The following MTA3 variants were observed in gnomAD, a reference collection of about 807,000 sequenced individuals.
The protein encoded by MTA3 is metastasis associated 1 family member 3.
In MTA3, 34 loss-of-function variants were observed where a neutral mutation model predicts 83.5. That is an observed-to-expected ratio of 0.41 (90% CI 0.31 to 0.54). MTA3 has a LOEUF of 0.54. Among genes scored for constraint, MTA3 ranks in the 20% least tolerant of loss-of-function variants. The pLI is 0.33. For synonymous variants in MTA3, 303 were observed against 252.7 expected, an observed-to-expected ratio of 1.20 and a Z score of -1.89; for missense variants, 761 against 726.4, an observed-to-expected ratio of 1.05 and a Z score of -0.55.
intron 10 of MTA3, among the ~76,000 whole-genome samples, chr2:42,696,088 A>G (rs1322743076): frequency 1.3e-5 from 2 of 152,216 alleles, no homozygotes; most frequent in African/African-American, 2.4e-5. Context: ...TTTTCCTTGC[A>G]TTTGACTGAT....
intron 14 of MTA3, among the ~76,000 whole-genome samples, chr2:42,718,695 G>T (rs183344379): frequency 3.3e-4 from 50 of 152,152 alleles, no homozygotes; most frequent in Non-Finnish European, 6.2e-4. Flanking sequence ...CCCAGGAGGT[G>T]GAGGTTGCAG....
At position 42,570,493 on chromosome 2, in the gene MTA3, G is replaced by T; in HGVS notation, c.85G>T (p.Glu29Ter). ...SNPYLIRRIE[E>*]LNKTASGNVE... is the part of the protein sequence containing the mutation. Reference sequence around the variant, plus strand: ...CCCATACCTAATAAGAAGGATAGAAGAACTCAACAAGGTATACACTGAGTG... The same window carrying T: ...CCCATACCTAATAAGAAGGATAGAATAACTCAACAAGGTATACACTGAGTG... Residue 29 changes from glutamate to a stop codon, truncating the protein, a stop_gained, in exon 2 of 17, where the codon GAA (glutamate) becomes TAA (stop). Transcript: ENST00000405094. LOFTEE classifies it high-confidence loss of function. 1 of 1,529,484 alleles carries T rather than the reference G, an allele frequency of 6.5e-7. No homozygotes were observed. Among genetic ancestry groups the T allele is most frequent in the South Asian group, 1.2e-5 (1 of 83,234 alleles). The allele number at this position is 1,529,484 out of a possible 1,614,324, so 94.7% of individuals were successfully genotyped here.
At chr2:42,746,033 C>T (rs1018067640) in intron 16 of MTA3, among the ~76,000 whole-genome samples, 1 of 151,504 alleles carries the variant, frequency 6.6e-6, no homozygotes, top group South Asian at 2.1e-4. Flanking sequence ...AGGATGGTCT[C>T]GATCTCCTGA....
intron 6 of MTA3, among the ~76,000 whole-genome samples, chr2:42,646,900 T>C (rs1306595828): frequency 6.6e-6 from 1 of 152,114 alleles, no homozygotes; most frequent in African/African-American, 2.4e-5. Flanking sequence ...CACACGCCTG[T>C]AATCCCAGCA....
At chr2:42,748,275 A>G (rs1669601522) in intron 16 of MTA3, among the ~76,000 whole-genome samples, 1 of 150,188 alleles carries the variant, frequency 6.7e-6, no homozygotes, top group African/African-American at 2.5e-5. Flanking sequence ...CGTGTTGGCC[A>G]GGATGGTTTC....
At chr2:42,666,424 G>A (rs1014820383) in intron 8 of MTA3, among the ~76,000 whole-genome samples, 2 of 152,086 alleles carry the variant, frequency 1.3e-5, no homozygotes, top group African/African-American at 4.8e-5. Context: ...GTTTTGCCTG[G>A]CCTCTGTCTA....
chr2:42,653,688 A>G (rs1688916029), intron 6 of MTA3, among the ~76,000 whole-genome samples: 1 of 152,156 alleles, frequency 6.6e-6, no homozygotes, highest in African/African-American at 2.4e-5. Flanking sequence ...TTTACAGTGA[A>G]TTTATTTAGA....
chr2:42,589,604 G>A (rs189653203), intron 3 of MTA3, among the ~76,000 whole-genome samples: 32 of 152,172 alleles, frequency 2.1e-4, no homozygotes, highest in Admixed American at 1.9e-3. Flanking sequence ...CCAGGCTGGC[G>A]TGCAGTGGTG....
upstream of MTA3, among the ~76,000 whole-genome samples, chr2:42,565,349 C>CT (rs773703863): frequency 0.012 from 1,600 of 133,980 alleles, 12 homozygotes; most frequent in African/African-American, 0.018. Context: ...AACTGGCTAA[C>CT]TTTTTTTTTT....
At chr2:42,553,880 A>C (rs1314076583) in intron 2 of MTA3, among the ~76,000 whole-genome samples, 1 of 57,144 alleles carries the variant, frequency 1.7e-5, no homozygotes, top group Non-Finnish European at 2.9e-5. Context: ...CAAAAAAAAA[A>C]AAAAAAAGAA....
At chr2:42,623,125 A>G (rs1488557735) in intron 4 of MTA3, among the ~76,000 whole-genome samples, 1 of 152,210 alleles carries the variant, frequency 6.6e-6, no homozygotes, top group Non-Finnish European at 1.5e-5. Context: ...AGACAGCAAT[A>G]ACTCAAGCAT....
chr2:42,540,169 GA>G (rs1676457786), intron 2 of MTA3, among the ~76,000 whole-genome samples: 3 of 126,790 alleles, frequency 2.4e-5, no homozygotes, highest in African/African-American at 5.9e-5. Flanking sequence ...TAACTTTGTA[GA>G]TTTTTTTTTT....
At chr2:42,555,799 C>T (rs866910569) in intron 2 of MTA3, among the ~76,000 whole-genome samples, 1 of 150,718 alleles carries the variant, frequency 6.6e-6, no homozygotes, top group Non-Finnish European at 1.5e-5. Context: ...AGGCCAGGCA[C>T]GGTGGCTCAC....
chr2:42,495,459 G>A (rs3796074), intron 2 of MTA3, among the ~76,000 whole-genome samples: 102,023 of 151,914 alleles, frequency 0.67, 34,629 homozygotes, highest in Middle Eastern at 0.82. Context: ...AGTGTCTACT[G>A]GGTAGATACT....
chr2:42,567,146 A>T (rs1218831639), upstream of MTA3, among the ~76,000 whole-genome samples: 2 of 152,168 alleles, frequency 1.3e-5, no homozygotes, highest in African/African-American at 4.8e-5. Flanking sequence ...TGGGGTTAAA[A>T]AGAAAGCAAG....
intron 3 of MTA3, among the ~76,000 whole-genome samples, chr2:42,581,330 G>A (rs1025503381): frequency 4.0e-5 from 6 of 150,050 alleles, no homozygotes; most frequent in African/African-American, 1.5e-4. Context: ...CGGATTACAG[G>A]TGTGAGTCAC....
At chr2:42,710,775 AT>A (rs1291017846) in intron 14 of MTA3, among the ~76,000 whole-genome samples, 2 of 152,090 alleles carry the variant, frequency 1.3e-5, no homozygotes, top group Non-Finnish European at 2.9e-5. Flanking sequence ...TTTTCATGTA[AT>A]TTTTTAAATA....
Position 42,753,422 on chromosome 2 carries a change from A to C in MTA3, c.*23A>C. On this transcript the variant is annotated 3_prime_UTR_variant, in exon 17 of 17. Transcript: ENST00000405094. ...TGAGCTTTCCCTGATTCATTCTACAATCCAAGACTTGCTGCACTGTCCTGC... is the reference window on the plus strand; with the variant it reads ...TGAGCTTTCCCTGATTCATTCTACACTCCAAGACTTGCTGCACTGTCCTGC... 6.4e-7 allele frequency: 1 copy of C among 1,550,488 alleles called. No individual in the cohort carries two copies. Among genetic ancestry groups the C allele is most frequent in the Non-Finnish European group, 8.7e-7 (1 of 1,146,910 alleles).
intron 14 of MTA3, among the ~76,000 whole-genome samples, chr2:42,714,949 C>G (rs1169915680): frequency 6.6e-6 from 1 of 152,194 alleles, no homozygotes; most frequent in East Asian, 1.9e-4. Flanking sequence ...ACCACTAGTA[C>G]TGGTCTGAGG....
Sources: allele counts gnomAD v4.1 joint callset (sites outside exome capture counted in the v4.1 genomes callset), GRCh38; gene constraint gnomAD v4.1.1; transcripts MANE v1.5; gene names NCBI Gene and HGNC (gene_info 2026-07-23, HGNC 2026-07-21).